NIPA1: variants seen among roughly 807,000 people sequenced by gnomAD.
The protein encoded by NIPA1 is magnesium transporter NIPA1.
In NIPA1, 13 loss-of-function variants were observed where a neutral mutation model predicts 23.9. The observed-to-expected ratio is 0.54, with a 90% CI of 0.35 to 0.87. The LOEUF (loss-of-function observed/expected upper bound fraction) is 0.87, where lower values mean the gene tolerates loss of function less well. Ranked by LOEUF, NIPA1 falls within the 40% of genes least tolerant of loss-of-function variation. The pLI, the probability that NIPA1 is intolerant of heterozygous loss-of-function variation, is 0.01. For missense variants in NIPA1, 362 were observed against 429.7 expected (o/e 0.84, Z 1.39); for synonymous variants, 234 against 202.9 (o/e 1.15, Z -1.30).
chr15:22,809,070 T>G (rs557774841), intron 1 of NIPA1, among the ~76,000 whole-genome samples: 26 of 152,232 alleles, frequency 1.7e-4, no homozygotes, highest in African/African-American at 6.0e-4. Context: ...GTGGTTTTCC[T>G]ACTGAGAATA....
At chr15:22,806,223 T>A (rs1424585037) in intron 1 of NIPA1, among the ~76,000 whole-genome samples, 2 of 152,136 alleles carry the variant, frequency 1.3e-5, no homozygotes, top group African/African-American at 2.4e-5. Flanking sequence ...GCGCCCGGCC[T>A]AAAGCTGTAT....
chr15:22,793,900 G>T (rs1402861659), intron 1 of NIPA1, among the ~76,000 whole-genome samples: 5 of 152,006 alleles, frequency 3.3e-5, no homozygotes, highest in Non-Finnish European at 7.4e-5. Context: ...TTATTTCTGG[G>T]TTCTTTATTC....
intron 2 of NIPA1, 55 bp downstream of exon 2, chr15:22,810,851 G>GCCCA: frequency 1.5e-6 from 2 of 1,359,436 alleles, no homozygotes; most frequent in Non-Finnish European, 2.1e-6. Flanking sequence ...ATCCATCACT[G>GCCCA]GTCTGGGCAG....
At chr15:22,810,634 T>G (rs1475416860) in intron 1 of NIPA1, 115 bp from the exon 2 acceptor site, 12 of 710,708 alleles carry the variant, frequency 1.7e-5, no homozygotes, top group African/African-American at 3.5e-5. Flanking sequence ...CAGTATGACA[T>G]TCATTCTTTT....
chr15:22,816,485 C>CTTTTTTTTTTTTTTTTT (rs1566786330), intron 3 of NIPA1, among the ~76,000 whole-genome samples: 1 of 52,678 alleles, frequency 1.9e-5, no homozygotes, highest in Non-Finnish European at 4.1e-5. Flanking sequence ...CCGCACCCAG[C>CTTTTTTTTTTTTTTTTT]CTTTTTTTTT....
intron 1 of NIPA1, among the ~76,000 whole-genome samples, chr15:22,794,909 A>T (rs1263396067): frequency 6.6e-6 from 1 of 151,844 alleles, no homozygotes; most frequent in Non-Finnish European, 1.5e-5. Context: ...ACCCTGAGGG[A>T]TGATGGCCTA....
At chr15:22,816,734 A>G (rs1043847064) in intron 3 of NIPA1, among the ~76,000 whole-genome samples, 1 of 136,086 alleles carries the variant, frequency 7.3e-6, no homozygotes, top group Non-Finnish European at 1.6e-5. Context: ...TAGGTGATCC[A>G]CCCACTTTGG....
intron 1 of NIPA1, among the ~76,000 whole-genome samples, chr15:22,807,782 T>C (rs966559767): frequency 6.9e-6 from 1 of 145,826 alleles, no homozygotes; most frequent in African/African-American, 2.6e-5. Context: ...TTAAATTCAC[T>C]TGTGTGTGTG....
At chr15:22,810,921 TC>T in intron 2 of NIPA1, 125 bp downstream of exon 2, 1 of 792,142 alleles carries the variant, frequency 1.3e-6, no homozygotes. Context: ...GCGTGGCCTC[TC>T]CCCAGGCCCT....
intron 1 of NIPA1, among the ~76,000 whole-genome samples, chr15:22,796,150 A>G (rs2053123): frequency 0.73 from 111,402 of 151,628 alleles, 42,414 homozygotes; most frequent in African/African-American, 0.93. Context: ...TTGAACTCCT[A>G]GGGCTCAAGT....
chr15:22,816,485 C>CTTTTTTT lies in NIPA1; in HGVS notation c.318-3828_318-3827insTTTTTTT, dbSNP rs1566786330. 3.6e-4 allele frequency among the ~76,000 whole-genome samples: 19 copies of CTTTTTTT among 52,668 alleles called. 1 individual carries two copies. The highest frequency in any genetic ancestry group is 8.4e-4 in the East Asian group (1 of 1,192). 34.6% of individuals were successfully genotyped at this position (52,668 alleles called of 152,430 possible). A position where few individuals can be genotyped will look rare whatever the true frequency, so the allele number is the denominator to read the frequency against. ...TACAGGTGTGAGCCACCGCACCCAG[C>CTTTTTTT]CTTTTTTTTTTTTTTTTTTTTTTTC... On this transcript the variant is annotated intron_variant, in intron 3 of 4. Coordinates refer to ENST00000337435, the MANE Select transcript of NIPA1 (RefSeq NM_144599.5).
At chr15:22,808,871 T>TG (rs1895265989) in intron 1 of NIPA1, among the ~76,000 whole-genome samples, 1 of 151,972 alleles carries the variant, frequency 6.6e-6, no homozygotes, top group African/African-American at 2.4e-5. Context: ...AGTCTTGCTA[T>TG]GTTGCCCAGG....
At position 22,824,369 on chromosome 15, in the gene NIPA1, T is replaced by C; in HGVS notation, c.*130T>C. On this transcript the variant is annotated 3_prime_UTR_variant, in exon 5 of 5. Transcript: ENST00000337435. This position sits in a 1 kb window ranked among gnomAD's most constrained non-coding sequence, Gnocchi z 4.1. ...GACTGGATAGTAACAGGTGGTCTGG[T>C]GGATAGCGGGGAGCATGGCTCAGCA... 1.1e-6 allele frequency: 1 copy of C among 874,682 alleles called. No homozygotes were observed. The allele number at this position is 874,682 out of a possible 1,614,324, so 54.2% of individuals were successfully genotyped here.
chr15:22,820,666 A>AC (rs1459561167), intron 4 of NIPA1, among the ~76,000 whole-genome samples, 193 bp downstream of exon 4: 4 of 151,800 alleles, frequency 2.6e-5, no homozygotes, highest in Non-Finnish European at 4.4e-5. Context: ...CTCTGCCCTC[A>AC]CCCTCCCGCC....
In NIPA1 at chr15:22,786,812, C is replaced by T; in HGVS notation, c.156C>T (p.Gly52=). 8.0e-7 allele frequency: 1 copy of T among 1,254,544 alleles called. No homozygotes were observed. The highest frequency in any genetic ancestry group is 1.0e-6 in the Non-Finnish European group (1 of 977,228). 77.7% of individuals were successfully genotyped at this position (1,254,544 alleles called of 1,614,324 possible). Residue 52 remains glycine, a synonymous_variant, in exon 1 of 5, where the codon GGC becomes GGT. Coordinates refer to ENST00000337435, the MANE Select transcript of NIPA1 (RefSeq NM_144599.5). The part of the protein sequence containing the change: ...NGSTFVLQKK[G]IVRAKRRGTS... ...CCACGTTCGTGCTACAGAAGAAGGG[C>T]ATCGTGCGTGCCAAGCGGCGAGGTA...
chr15:22,804,216 G>T (rs552123249), intron 1 of NIPA1, among the ~76,000 whole-genome samples: 66 of 151,992 alleles, frequency 4.3e-4, no homozygotes, highest in African/African-American at 1.5e-3. Flanking sequence ...GACCCCAGGT[G>T]ATTCACCCAC....
At chr15:22,821,722 T>C (rs1398942116) in intron 4 of NIPA1, among the ~76,000 whole-genome samples, 1 of 149,832 alleles carries the variant, frequency 6.7e-6, no homozygotes, top group Non-Finnish European at 1.5e-5. Context: ...ACTGGTTTTC[T>C]TGTCCACACT....
At chr15:22,813,231 G>A (rs1030417184) in intron 3 of NIPA1, among the ~76,000 whole-genome samples, 1 of 152,028 alleles carries the variant, frequency 6.6e-6, no homozygotes, top group Non-Finnish European at 1.5e-5. Flanking sequence ...GAGGACTCTG[G>A]GAACTGAGGA....
At chr15:22,798,136 C>T (rs1485386061) in intron 1 of NIPA1, among the ~76,000 whole-genome samples, 1 of 151,490 alleles carries the variant, frequency 6.6e-6, no homozygotes, top group African/African-American at 2.4e-5. Context: ...CGTGAGCCAC[C>T]GCGCCCGGCC....
Sources: allele counts gnomAD v4.1 joint callset (sites outside exome capture counted in the v4.1 genomes callset), GRCh38; gene constraint gnomAD v4.1.1; non-coding constraint Gnocchi (gnomAD v3.1); transcripts MANE v1.5; gene names NCBI Gene and HGNC (gene_info 2026-07-23, HGNC 2026-07-21).